Variants in TBP observed in about 807,000 individuals in gnomAD.
TBP encodes TATA-box binding protein, also known as TATA-box-binding protein.
Under a neutral mutation model 46.2 loss-of-function variants are expected in TBP, and 12 were observed. The ratio of observed to expected loss-of-function variants is 0.26; its 90% CI spans 0.17 to 0.42. The LOEUF is 0.42. TBP is among the 10% of genes least tolerant of loss of function. The pLI, the probability that TBP is intolerant of heterozygous loss-of-function variation, is 1.00. For missense variants in TBP, 229 were observed against 403.1 expected (o/e 0.57, Z 3.70); for synonymous variants, 157 against 148.3 (o/e 1.06, Z -0.42).
chr6:170,555,393 GTTA>G (rs1778999798), intron 1 of TBP, among the ~76,000 whole-genome samples: 1 of 152,122 alleles, frequency 6.6e-6, no homozygotes, highest in Non-Finnish European at 1.5e-5. Flanking sequence ...TTCCATAACT[GTTA>G]TTATTGCCTA....
chr6:170,557,735 C>CAAA (rs35269766), intron 2 of TBP, among the ~76,000 whole-genome samples: 10,427 of 51,838 alleles, frequency 0.2, 1,983 homozygotes, highest in Non-Finnish European at 0.27. Context: ...GACTCTGTCT[C>CAAA]AAAAAAAAAA....
At chr6:170,558,775 A>C (rs6456231) in intron 2 of TBP, among the ~76,000 whole-genome samples, 87,354 of 150,546 alleles carry the variant, frequency 0.58, 26,264 homozygotes, top group East Asian at 0.79. Context: ...CTCACTGCAA[A>C]CTCCATCTCC....
chr6:170,571,300 T>A, intron 6 of TBP, 110 bp from the exon 7 acceptor site: 1 of 722,174 alleles, frequency 1.4e-6, no homozygotes, highest in Non-Finnish European at 2.3e-6. Context: ...AACTGTGTTT[T>A]ACCTCTTGAC....
At position 170,561,949 on chromosome 6, in the gene TBP, GCAACAGCAA is replaced by G. The variant is rs1188922583; in HGVS notation, c.216_224del (p.Gln93_Gln95del). On this transcript the variant is annotated inframe_deletion, in exon 3 of 8. Transcript: ENST00000392092. Reference sequence around the variant, plus strand: ...AACAGCAGCAGCAGCAGCAGCAGCAGCAACAGCAACAGCAGCAGCAGCAGCAGCAGCAGC... The same window carrying G: ...AACAGCAGCAGCAGCAGCAGCAGCAGCAGCAGCAGCAGCAGCAGCAGCAGC... 57 of 958,598 alleles carry G rather than the reference GCAACAGCAA, an allele frequency of 5.9e-5. No individual in the cohort carries two copies. Among genetic ancestry groups the G allele is most frequent in the East Asian group, 1.8e-4 (6 of 33,930 alleles). 59.4% of individuals were successfully genotyped at this position (958,598 alleles called of 1,614,324 possible).
chr6:170,561,049 C>G (rs970014691), intron 2 of TBP, among the ~76,000 whole-genome samples: 2 of 152,180 alleles, frequency 1.3e-5, no homozygotes, highest in African/African-American at 2.4e-5. Flanking sequence ...CTTCGTCAGT[C>G]TTATTTTAAG....
chr6:170,567,571 A>G (rs1779287862), intron 5 of TBP: 1 of 152,268 alleles, frequency 6.6e-6, no homozygotes, highest in Admixed American at 6.5e-5. Flanking sequence ...GTTGTAAATA[A>G]CACAAATACA....
intron 5 of TBP, among the ~76,000 whole-genome samples, chr6:170,568,641 G>C (rs1779310381): frequency 1.3e-5 from 2 of 151,488 alleles, no homozygotes; most frequent in Non-Finnish European, 2.9e-5. Context: ...TTTTAGTAGA[G>C]ATGGGGTTTC....
chr6:170,564,100 A>G (rs1320201749), intron 3 of TBP, among the ~76,000 whole-genome samples: 1 of 152,110 alleles, frequency 6.6e-6, no homozygotes, highest in Non-Finnish European at 1.5e-5. Flanking sequence ...AGAACTGGGC[A>G]GTTCATGCCT....
chr6:170,559,297 C>T lies in TBP; in HGVS notation c.54+2214C>T, dbSNP rs571186472. Among the ~76,000 whole-genome samples the T allele has an allele frequency of 5.9e-5, 9 of 152,284 alleles. No individual in the cohort carries two copies. In the South Asian group the frequency reaches 1.9e-3, roughly 32 times the overall value. On this transcript the variant is annotated intron_variant, in intron 2 of 7. Coordinates refer to ENST00000392092, the MANE Select transcript of TBP (RefSeq NM_003194.5). Reference sequence around the variant, plus strand: ...AAATGATTATACTTAGTGAAGAAGGCATGTTGAAAGCTGAGACAGGCTAAA... The same window carrying T: ...AAATGATTATACTTAGTGAAGAAGGTATGTTGAAAGCTGAGACAGGCTAAA...
chr6:170,564,440 T>G (rs1349932719), intron 3 of TBP, 105 bp from the exon 4 acceptor site: 1 of 723,336 alleles, frequency 1.4e-6, no homozygotes, highest in Non-Finnish European at 2.2e-6. Context: ...TAAAAAAAAG[T>G]AAAGCCTGGT....
rs759685453 is a variant in TBP, at chr6:170,567,026, C to T, written c.677+17C>T. 21 of 1,605,886 alleles carry T rather than the reference C, an allele frequency of 1.3e-5. No individual in the cohort carries two copies. Among genetic ancestry groups the T allele is most frequent in the Non-Finnish European group, 1.5e-5 (18 of 1,174,186 alleles). On this transcript the variant is annotated intron_variant, in intron 5 of 7. Transcript: ENST00000392092. ...AGCCAAGAGGTAGCCGTAAGAAATTCATTCTTCTGGTCTATGGGTTATGAA... is the reference window on the plus strand; with the variant it reads ...AGCCAAGAGGTAGCCGTAAGAAATTTATTCTTCTGGTCTATGGGTTATGAA...
chr6:170,554,891 C>T (rs1239631674), intron 1 of TBP, among the ~76,000 whole-genome samples: 2 of 152,206 alleles, frequency 1.3e-5, no homozygotes, highest in Non-Finnish European at 1.5e-5. Context: ...AAGCCTGAGA[C>T]AGCGGGCACG....
At chr6:170,569,858 C>A in intron 6 of TBP, 79 bp downstream of exon 6, 3 of 1,331,698 alleles carry the variant, frequency 2.3e-6, no homozygotes, top group South Asian at 1.4e-5. Context: ...AAAACACATG[C>A]AAAATATTCA....
intron 5 of TBP, among the ~76,000 whole-genome samples, chr6:170,569,014 T>C (rs1029047307): frequency 6.6e-6 from 1 of 151,922 alleles, no homozygotes; most frequent in African/African-American, 2.4e-5. Context: ...GGTTTCACCA[T>C]GTTGACCAAG....
intron 5 of TBP, among the ~76,000 whole-genome samples, chr6:170,569,053 G>A (rs986075750): frequency 2.0e-5 from 3 of 151,288 alleles, no homozygotes; most frequent in African/African-American, 7.3e-5. Flanking sequence ...CCTCAGGTGA[G>A]CTATCCGCCT....
At chr6:170,571,845 T>C (rs573466763) in intron 7 of TBP, among the ~76,000 whole-genome samples, 1 of 152,036 alleles carries the variant, frequency 6.6e-6, no homozygotes, top group East Asian at 2.0e-4. Context: ...TGAGTCTAGT[T>C]GAAGGCAGCA....
chr6:170,560,734 T>C (rs572451001), intron 2 of TBP, among the ~76,000 whole-genome samples: 1 of 152,338 alleles, frequency 6.6e-6, no homozygotes, highest in South Asian at 2.1e-4. Flanking sequence ...GCAAGTGAAC[T>C]AGAATTAGAA....
At chr6:170,572,039 C>T in intron 7 of TBP, 147 bp from the exon 8 acceptor site, 3 of 679,976 alleles carry the variant, frequency 4.4e-6, no homozygotes, top group Non-Finnish European at 7.8e-6. Context: ...CAAGGGATTC[C>T]ACTATTAATG....
chr6:170,558,262 A>G (rs1349093203), intron 2 of TBP, among the ~76,000 whole-genome samples: 2 of 152,244 alleles, frequency 1.3e-5, no homozygotes, highest in African/African-American at 4.8e-5. Context: ...GTATAACTTT[A>G]TAAGAAACTG....
Sources: gnomAD v4.1 joint callset for allele counts (sites outside exome capture counted in the v4.1 genomes callset) on GRCh38, gnomAD v4.1.1 for gene constraint, MANE v1.5 for transcripts, NCBI Gene and HGNC (gene_info 2026-07-23, HGNC 2026-07-21) for gene names.